SNRPN: variants seen among roughly 807,000 people sequenced by gnomAD.
SNRPN encodes the protein small nuclear ribonucleoprotein-associated protein N.
Under a neutral mutation model 25.2 loss-of-function variants are expected in SNRPN, and 7 were observed. That is an observed-to-expected ratio of 0.28 (90% CI 0.16 to 0.52). SNRPN has a LOEUF of 0.52. Ranked by LOEUF, SNRPN falls within the 20% of genes least tolerant of loss-of-function variation. The probability of loss-of-function intolerance (pLI) is 0.96; values close to 1 mark genes in which losing one functional copy is unlikely to be tolerated. For synonymous variants in SNRPN, 124 were observed against 110.6 expected, an observed-to-expected ratio of 1.12 and a Z score of -0.76; for missense variants, 196 against 322.5, an observed-to-expected ratio of 0.61 and a Z score of 3.00.
chr15:24,971,693 G>T (rs559521935), intron 3 of SNRPN, among the ~76,000 whole-genome samples: 1 of 152,186 alleles, frequency 6.6e-6, no homozygotes, highest in African/African-American at 2.4e-5. Context: ...CATTGCCAAG[G>T]TCTGATTTTT....
chr15:24,977,102 C>A, intron 7 of SNRPN, 73 bp downstream of exon 7: 2 of 1,270,088 alleles, frequency 1.6e-6, no homozygotes, highest in African/African-American at 1.5e-5. Context: ...GATTTAAAAA[C>A]CTAAGTGTAT....
At chr15:24,905,444 G>A (rs1301986110) in intron 2 of SNRPN, among the ~76,000 whole-genome samples, 1 of 151,138 alleles carries the variant, frequency 6.6e-6, no homozygotes, top group Non-Finnish European at 1.5e-5. Flanking sequence ...GGGAGGCGGA[G>A]GTGGCAGTGA....
chr15:24,937,829 G>C (rs533450543), intron 3 of SNRPN, among the ~76,000 whole-genome samples: 2 of 152,006 alleles, frequency 1.3e-5, no homozygotes, highest in South Asian at 4.2e-4. Context: ...CATGACATTT[G>C]ATTAGTCTGG....
intron 2 of SNRPN, among the ~76,000 whole-genome samples, chr15:24,902,736 G>C (rs916362249): frequency 7.2e-5 from 11 of 152,196 alleles, no homozygotes; most frequent in African/African-American, 2.7e-4. Flanking sequence ...TCCTCCAGGT[G>C]GGTTCATGGT....
At position 24,909,094 on chromosome 15, in the gene SNRPN, A is replaced by T. The variant is rs2059043098; in HGVS notation, c.-504-10917A>T. ...CTGGATTCTCTCGTATAGCAGCATG[A>T]GCTTCCTTATACATTTCCTCCATCA... On this transcript the variant is annotated intron_variant, in intron 2 of 11. Transcript: ENST00000400097. 7 of 1,391,582 alleles carry T rather than the reference A, an allele frequency of 5.0e-6. No homozygotes were observed. In the Admixed American group the frequency reaches 6.8e-5, roughly 13 times the overall value. 86.2% of individuals were successfully genotyped at this position (1,391,582 alleles called of 1,614,324 possible). A position where few individuals can be genotyped will look rare whatever the true frequency, so the allele number is the denominator to read the frequency against.
chr15:24,911,553 G>T (rs182426032), intron 2 of SNRPN, among the ~76,000 whole-genome samples: 1 of 152,188 alleles, frequency 6.6e-6, no homozygotes, highest in Non-Finnish European at 1.5e-5. Flanking sequence ...CTGTGGTTCA[G>T]GTGGGCCCAG....
intron 2 of SNRPN, among the ~76,000 whole-genome samples, chr15:24,963,148 T>C (rs1229924995): frequency 6.6e-6 from 1 of 152,216 alleles, no homozygotes; most frequent in Admixed American, 6.5e-5. Context: ...CCGTGCTGTC[T>C]GTATTTTGAC....
intron 2 of SNRPN, among the ~76,000 whole-genome samples, chr15:24,917,799 A>T (rs1484143300): frequency 1.3e-5 from 2 of 152,266 alleles, no homozygotes; most frequent in Admixed American, 1.3e-4. Flanking sequence ...TTTAAAAACC[A>T]TAAATGTTCC....
At chr15:24,950,069 G>A (rs1337856377), upstream of SNRPN, among the ~76,000 whole-genome samples, 2 of 151,998 alleles carry the variant, frequency 1.3e-5, no homozygotes, top group Non-Finnish European at 2.9e-5. Context: ...CAATCCTCTC[G>A]CCTTGGCTTC....
intron 2 of SNRPN, among the ~76,000 whole-genome samples, chr15:24,917,786 T>C (rs989572495): frequency 5.3e-5 from 8 of 152,238 alleles, no homozygotes; most frequent in Non-Finnish European, 1.0e-4. Flanking sequence ...GTGGATTTAG[T>C]TTTTTAAAAA....
chr15:24,843,629 A>G (rs1335407883), intron 2 of SNRPN, among the ~76,000 whole-genome samples: 1 of 152,126 alleles, frequency 6.6e-6, no homozygotes, highest in Non-Finnish European at 1.5e-5. Flanking sequence ...CTAAAAATAC[A>G]AAAGAAAATT....
chr15:24,955,136 T>A, intron 1 of SNRPN, 74 bp downstream of exon 1: 1 of 1,595,214 alleles, frequency 6.3e-7, no homozygotes, highest in African/African-American at 1.3e-5. Context: ...ATATTCCAAG[T>A]TTTTAGGACT....
intron 3 of SNRPN, among the ~76,000 whole-genome samples, chr15:24,926,048 T>C (rs1181807144): frequency 6.6e-6 from 1 of 152,104 alleles, no homozygotes; most frequent in African/African-American, 2.4e-5. Context: ...AATTTTTAAA[T>C]CTTTTTGTAG....
intron 1 of SNRPN, among the ~76,000 whole-genome samples, chr15:24,859,947 G>A (rs1465693305): frequency 1.3e-5 from 2 of 152,132 alleles, no homozygotes; most frequent in Admixed American, 6.5e-5. Context: ...GATTTTAGCC[G>A]GCCTCTTTAC....
At chr15:24,888,564 T>A (rs12437659) in intron 2 of SNRPN, among the ~76,000 whole-genome samples, 32 of 152,050 alleles carry the variant, frequency 2.1e-4, no homozygotes, top group African/African-American at 7.2e-4. Flanking sequence ...AATTATCAGA[T>A]GTTTGTCACA....
At chr15:24,955,962 G>A (rs184595709) in intron 1 of SNRPN, among the ~76,000 whole-genome samples, 8 of 152,120 alleles carry the variant, frequency 5.3e-5, no homozygotes, top group Non-Finnish European at 8.8e-5. Context: ...AGCACAGTCC[G>A]CAGCCTTTAA....
intron 1 of SNRPN, among the ~76,000 whole-genome samples, chr15:24,883,622 A>G (rs551790001): frequency 6.6e-6 from 1 of 152,220 alleles, no homozygotes; most frequent in Non-Finnish European, 1.5e-5. Context: ...CTTGAAAAAT[A>G]TGTGCAATTA....
In SNRPN at chr15:24,871,985, G is replaced by A. The variant is rs989852206; in HGVS notation, c.-578-14531G>A. Among the ~76,000 whole-genome samples the A allele has an allele frequency of 5.0e-5, 6 of 120,450 alleles. 2 individuals are homozygous for A. The highest frequency in any genetic ancestry group is 7.3e-5 in the Non-Finnish European group (4 of 54,786). The allele number at this position is 120,450 out of a possible 152,430, so 79.0% of individuals were successfully genotyped here. A position where few individuals can be genotyped will look rare whatever the true frequency, so the allele number is the denominator to read the frequency against. On this transcript the variant is annotated intron_variant, in intron 1 of 11. Coordinates refer to the SNRPN transcript ENST00000400097. ...CTCCCAAAGTGCTAGGATTACAGGC[G>A]TAAGCCACCACGCCCGGCCTTTTGT...
At chr15:24,956,571 C>T (rs778341554) in intron 1 of SNRPN, among the ~76,000 whole-genome samples, 10 of 151,780 alleles carry the variant, frequency 6.6e-5, no homozygotes, top group Non-Finnish European at 1.3e-4. Context: ...CAGTCGCCTC[C>T]GCTTGCAGTG....
Sources: allele counts gnomAD v4.1 joint callset (sites outside exome capture counted in the v4.1 genomes callset), GRCh38; gene constraint gnomAD v4.1.1; transcripts MANE v1.5; gene names NCBI Gene and HGNC (gene_info 2026-07-23, HGNC 2026-07-21).